The following HPSE2 variants were observed in gnomAD, a reference collection of about 807,000 sequenced individuals.
HPSE2 encodes inactive heparanase-2.
In HPSE2, 38 loss-of-function variants were observed where a neutral mutation model predicts 60.5. The observed-to-expected ratio is 0.63, with a 90% CI of 0.48 to 0.82. The LOEUF (loss-of-function observed/expected upper bound fraction) is 0.82. Ranked by LOEUF, HPSE2 falls within the 40% of genes least tolerant of loss-of-function variation. The pLI is 0.00. For synonymous variants in HPSE2, 295 were observed against 293.2 expected, an observed-to-expected ratio of 1.01 and a Z score of -0.06; for missense variants, 713 against 740.4, an observed-to-expected ratio of 0.96 and a Z score of 0.43.
chr10:98,789,448 C>A (rs1362609687), intron 3 of HPSE2, among the ~76,000 whole-genome samples: 4 of 152,192 alleles, frequency 2.6e-5, no homozygotes, highest in African/African-American at 9.6e-5. Flanking sequence ...TGAAAGGAAG[C>A]AGACTGGTTA....
intron 3 of HPSE2, among the ~76,000 whole-genome samples, chr10:98,820,225 T>C (rs995608155): frequency 6.6e-6 from 1 of 152,138 alleles, no homozygotes; most frequent in Non-Finnish European, 1.5e-5. Context: ...TCTCTTGCAG[T>C]ATGTTGATGA....
intron 3 of HPSE2, among the ~76,000 whole-genome samples, chr10:99,077,186 T>C (rs1201191065): frequency 2.0e-5 from 3 of 152,186 alleles, no homozygotes; most frequent in African/African-American, 7.2e-5. Flanking sequence ...TGTCTTGGTG[T>C]GGATGTCTTT....
intron 5 of HPSE2, among the ~76,000 whole-genome samples, chr10:98,710,894 G>T (rs1009331914): frequency 3.9e-5 from 6 of 152,064 alleles, no homozygotes; most frequent in Admixed American, 2.6e-4. Context: ...TCAAGATAGA[G>T]TGCCAGGCCC....
At chr10:98,484,866 G>A (rs1358756023) in intron 10 of HPSE2, among the ~76,000 whole-genome samples, 1 of 152,034 alleles carries the variant, frequency 6.6e-6, no homozygotes, top group East Asian at 1.9e-4. Flanking sequence ...CCTTCTCTCT[G>A]TAGGAAAAAA....
At position 98,481,522 on chromosome 10, in the gene HPSE2, C is replaced by T. The variant is rs148762087; in HGVS notation, c.1613+1114G>A. 1.5e-3 allele frequency among the ~76,000 whole-genome samples: 230 copies of T among 151,888 alleles called. 1 individual carries two copies. Among genetic ancestry groups the T allele is most frequent in the African/African-American group, 5.1e-3 (211 of 41,406 alleles). ...AGAGTCCTGCTGACATAGGTAGGAC[C>T]GGGAAGAAAGAAAAACAGACGCAAT... is the stretch of plus-strand genomic sequence containing the variant. On this transcript the variant is annotated intron_variant, in intron 11 of 11. Coordinates refer to ENST00000370552, the MANE Select transcript of HPSE2 (RefSeq NM_021828.5).
intron 4 of HPSE2, among the ~76,000 whole-genome samples, chr10:98,733,288 T>G (rs919177172): frequency 3.3e-5 from 5 of 152,040 alleles, no homozygotes; most frequent in African/African-American, 1.2e-4. Context: ...TTCTGCTTAT[T>G]TTTTGTATTT....
chr10:99,002,858 A>G (rs1460751499), intron 3 of HPSE2, among the ~76,000 whole-genome samples: 1 of 152,126 alleles, frequency 6.6e-6, no homozygotes, highest in Admixed American at 6.6e-5. Flanking sequence ...AGCTATTAAC[A>G]TAGGTATCAC....
At chr10:98,645,012 G>A (rs921410185) in intron 6 of HPSE2, among the ~76,000 whole-genome samples, 1 of 152,102 alleles carries the variant, frequency 6.6e-6, no homozygotes, top group Non-Finnish European at 1.5e-5. Context: ...CTAAATAAGG[G>A]AGGGAACAAG....
At chr10:98,497,626 A>G (rs1209273526) in intron 9 of HPSE2, among the ~76,000 whole-genome samples, 6 of 152,182 alleles carry the variant, frequency 3.9e-5, no homozygotes, top group Non-Finnish European at 7.3e-5. Flanking sequence ...AAATTGATAC[A>G]TAATCAATAT....
intron 3 of HPSE2, among the ~76,000 whole-genome samples, chr10:98,833,951 C>T (rs1951737215): frequency 6.6e-6 from 1 of 152,002 alleles, no homozygotes; most frequent in African/African-American, 2.4e-5. Flanking sequence ...AGAAATAAAT[C>T]TCAGTTGCGT....
At chr10:98,695,120 C>A (rs1274742547) in intron 5 of HPSE2, among the ~76,000 whole-genome samples, 1 of 151,820 alleles carries the variant, frequency 6.6e-6, no homozygotes, top group African/African-American at 2.4e-5. Flanking sequence ...TTGAGTTTCT[C>A]TGGAGGAGTA....
chr10:99,187,002 T>C (rs1402185859), intron 2 of HPSE2, among the ~76,000 whole-genome samples: 1 of 152,012 alleles, frequency 6.6e-6, no homozygotes, highest in Non-Finnish European at 1.5e-5. Flanking sequence ...CAGGCTGGTC[T>C]CGAACTCCTG....
At chr10:99,073,752 C>T (rs1311378183) in intron 3 of HPSE2, among the ~76,000 whole-genome samples, 1 of 152,080 alleles carries the variant, frequency 6.6e-6, no homozygotes, top group Non-Finnish European at 1.5e-5. Context: ...TTTCTGTGTA[C>T]AAGTTTTTCA....
intron 3 of HPSE2, among the ~76,000 whole-genome samples, chr10:99,025,884 TA>T (rs34953799): frequency 0.66 from 99,807 of 151,572 alleles, 33,127 homozygotes; most frequent in East Asian, 0.71. Context: ...AAAGAAAAGT[TA>T]AAAAAAAATT....
At chr10:98,832,715 G>A (rs1951710650) in intron 3 of HPSE2, among the ~76,000 whole-genome samples, 2 of 152,162 alleles carry the variant, frequency 1.3e-5, no homozygotes, top group Non-Finnish European at 2.9e-5. Context: ...CCAGTGCAAT[G>A]TATTTAGATA....
At chr10:99,025,863 C>G (rs1394051496) in intron 3 of HPSE2, among the ~76,000 whole-genome samples, 1 of 134,248 alleles carries the variant, frequency 7.4e-6, no homozygotes, top group Non-Finnish European at 1.6e-5. Flanking sequence ...TCACATGTAG[C>G]CCCAAACCTA....
At chr10:99,091,115 A>G (rs1843496793) in intron 3 of HPSE2, among the ~76,000 whole-genome samples, 1 of 152,158 alleles carries the variant, frequency 6.6e-6, no homozygotes, top group South Asian at 2.1e-4. Flanking sequence ...GCCTTCAGAC[A>G]TATTGAAAGA....
chr10:98,724,249 T>C (rs1292202737), intron 4 of HPSE2, among the ~76,000 whole-genome samples: 3 of 152,306 alleles, frequency 2.0e-5, no homozygotes, highest in Middle Eastern at 3.4e-3. Flanking sequence ...GAGCAGGTTG[T>C]TCAGTTTCCA....
intron 7 of HPSE2, among the ~76,000 whole-genome samples, chr10:98,628,883 T>C (rs1589533442): frequency 6.6e-6 from 1 of 151,466 alleles, no homozygotes; most frequent in African/African-American, 2.4e-5. Flanking sequence ...TTTAGTTTAT[T>C]TTCCCTACCA....
Sources: allele counts gnomAD v4.1 joint callset (sites outside exome capture counted in the v4.1 genomes callset), GRCh38; gene constraint gnomAD v4.1.1; transcripts MANE v1.5; gene names NCBI Gene and HGNC (gene_info 2026-07-23, HGNC 2026-07-21).